Variants in QKI observed in about 807,000 individuals in gnomAD.
QKI encodes QKI, KH domain containing RNA binding.
Under a neutral mutation model 39.0 loss-of-function variants are expected in QKI, and 10 were observed. The ratio of observed to expected loss-of-function variants is 0.26; its 90% CI spans 0.16 to 0.43. The LOEUF is 0.43. Among genes scored for constraint, QKI ranks in the 20% least tolerant of loss-of-function variants. QKI has a pLI of 1.00. For synonymous variants in QKI, 204 were observed against 155.4 expected, an observed-to-expected ratio of 1.31 and a Z score of -2.33; for missense variants, 218 against 428.0, an observed-to-expected ratio of 0.51 and a Z score of 4.33.
intron 1 of QKI, 54 bp from the exon 2 acceptor site, chr6:163,455,225 A>G (rs1790833605): frequency 2.7e-6 from 4 of 1,485,816 alleles, no homozygotes; most frequent in Non-Finnish European, 3.7e-6. Context: ...TTTCCTCTGG[A>G]CTAGCAAGAA....
intron 3 of QKI, among the ~76,000 whole-genome samples, chr6:163,505,874 A>T (rs1019344847): frequency 8.5e-5 from 13 of 152,186 alleles, no homozygotes; most frequent in African/African-American, 2.9e-4. Flanking sequence ...TCAGGGGCGG[A>T]ATTACATGGA....
intron 3 of QKI, among the ~76,000 whole-genome samples, chr6:163,498,171 T>C (rs1441814228): frequency 1.5e-5 from 2 of 130,758 alleles, no homozygotes; most frequent in Admixed American, 1.7e-4. Flanking sequence ...ATTAGTTTGC[T>C]CCTACCGCAG....
intron 2 of QKI, among the ~76,000 whole-genome samples, chr6:163,466,005 A>G (rs1265211724): frequency 6.6e-6 from 1 of 151,820 alleles, no homozygotes; most frequent in African/African-American, 2.4e-5. Flanking sequence ...GCAGGCTGTA[A>G]TCCCAGCTAC....
intron 3 of QKI, among the ~76,000 whole-genome samples, chr6:163,492,300 C>T (rs1052200687): frequency 1.3e-5 from 2 of 151,988 alleles, no homozygotes; most frequent in Non-Finnish European, 2.9e-5. Flanking sequence ...TATGAGAGAC[C>T]ACTATTAAAT....
At chr6:163,481,097 C>A (rs1032965784) in intron 3 of QKI, among the ~76,000 whole-genome samples, 2 of 151,894 alleles carry the variant, frequency 1.3e-5, no homozygotes, top group Non-Finnish European at 2.9e-5. Context: ...TGGTAAAGAA[C>A]ATGAAAAGAG....
At chr6:163,528,684 G>A (rs1295483393) in intron 3 of QKI, among the ~76,000 whole-genome samples, 1 of 152,080 alleles carries the variant, frequency 6.6e-6, no homozygotes, top group Non-Finnish European at 1.5e-5. Context: ...TAGTATACTT[G>A]TCAAGAATAC....
chr6:163,536,443 A>C (rs533255220), intron 4 of QKI, among the ~76,000 whole-genome samples: 1 of 152,216 alleles, frequency 6.6e-6, no homozygotes, highest in South Asian at 2.1e-4. Flanking sequence ...ATGTTGATCA[A>C]CTGTCAGGCT....
At chr6:163,415,723 C>T (rs1787401365) in intron 1 of QKI, among the ~76,000 whole-genome samples, 2 of 151,936 alleles carry the variant, frequency 1.3e-5, no homozygotes, top group South Asian at 4.1e-4. Context: ...CGCCGCGCCG[C>T]CGGCCTGGAG....
At chr6:163,420,655 T>C (rs1410198441) in intron 1 of QKI, among the ~76,000 whole-genome samples, 1 of 152,168 alleles carries the variant, frequency 6.6e-6, no homozygotes, top group Non-Finnish European at 1.5e-5. Context: ...TTAAGTGCAA[T>C]AATGTGTTGT....
At chr6:163,520,288 T>C (rs1780067847) in intron 3 of QKI, among the ~76,000 whole-genome samples, 1 of 152,148 alleles carries the variant, frequency 6.6e-6, no homozygotes, top group African/African-American at 2.4e-5. Flanking sequence ...AAGTATAAGA[T>C]AATAAAATGG....
Position 163,415,271 on chromosome 6 carries a change from G to C in QKI, c.78G>C (p.Lys26Asn). 6.3e-7 allele frequency: 1 copy of C among 1,596,880 alleles called. No individual in the cohort carries two copies. Among genetic ancestry groups the C allele is most frequent in the Non-Finnish European group, 8.6e-7 (1 of 1,169,136 alleles). Reference sequence around the variant, plus strand: ...TGATGCAGCTGATGAACGACAAGAAGCTCATGAGCAGCCTGCCCAACTTCT... The same window carrying C: ...TGATGCAGCTGATGAACGACAAGAACCTCATGAGCAGCCTGCCCAACTTCT... ...DYLMQLMNDK[K>N]LMSSLPNFCG... The change falls in exon 1 of 8, where the codon AAG becomes AAC. Residue 26 changes from lysine to asparagine, a missense_variant. Physicochemically the swap from Lys to Asn is moderately conservative, Grantham distance 94. This residue lies in a region of QKI where 40 missense variants were observed against 48.7 expected (regional missense o/e 0.82). Coordinates refer to ENST00000361752, the MANE Select transcript of QKI (RefSeq NM_006775.3).
intron 3 of QKI, among the ~76,000 whole-genome samples, chr6:163,506,849 T>C (rs1406181100): frequency 6.6e-6 from 1 of 152,172 alleles, no homozygotes; most frequent in African/African-American, 2.4e-5. Context: ...TACACCCCTT[T>C]CAGTGTTGTG....
At chr6:163,415,479 A>C in intron 1 of QKI, 144 bp downstream of exon 1, 12 of 661,176 alleles carry the variant, frequency 1.8e-5, no homozygotes, top group East Asian at 9.2e-5. Flanking sequence ...GGGCGCACAA[A>C]GGAGGTGCCG....
chr6:163,486,575 CTATT>C (rs774679949), intron 3 of QKI, among the ~76,000 whole-genome samples: 2 of 152,124 alleles, frequency 1.3e-5, no homozygotes, highest in South Asian at 2.1e-4. Context: ...TTTCTTAGCT[CTATT>C]TGTTATGCTT....
At chr6:163,438,859 A>G (rs753765375) in intron 1 of QKI, among the ~76,000 whole-genome samples, 2 of 152,190 alleles carry the variant, frequency 1.3e-5, no homozygotes, top group Middle Eastern at 3.2e-3. Context: ...AATTAACCTT[A>G]ACATACTATA....
chr6:163,490,319 TTA>T (rs1020739034), intron 3 of QKI, among the ~76,000 whole-genome samples: 24 of 152,186 alleles, frequency 1.6e-4, no homozygotes, highest in African/African-American at 5.8e-4. Flanking sequence ...GCGGCAGCAG[TTA>T]TGTTTTTGAA....
chr6:163,503,096 T>C (rs1778872809), intron 3 of QKI, among the ~76,000 whole-genome samples: 1 of 151,882 alleles, frequency 6.6e-6, no homozygotes, highest in South Asian at 2.1e-4. Flanking sequence ...TCTCTGATGA[T>C]AGTAATGTTG....
chr6:163,565,783 A>T, intron 6 of QKI: 1 of 1,309,900 alleles, frequency 7.6e-7, no homozygotes, highest in Non-Finnish European at 9.8e-7. Flanking sequence ...CACACAGATA[A>T]CATGCATGCT....
intron 7 of QKI, chr6:163,569,849 A>G: frequency 2.0e-6 from 2 of 986,984 alleles, no homozygotes; most frequent in Non-Finnish European, 2.4e-6. Context: ...TCAATTAGAA[A>G]TTTCTTCTAT....
Sources: allele counts gnomAD v4.1 joint callset (sites outside exome capture counted in the v4.1 genomes callset), GRCh38; gene constraint gnomAD v4.1.1; regional missense constraint gnomAD v4.1.1; transcripts MANE v1.5; gene names NCBI Gene and HGNC (gene_info 2026-07-23, HGNC 2026-07-21).